The following NELL1 variants were observed in gnomAD, a reference collection of about 807,000 sequenced individuals.
The protein encoded by NELL1 is protein kinase C-binding protein NELL1.
A neutral mutation model predicts 107.4 loss-of-function variants in NELL1; 76 were observed. The observed-to-expected ratio is 0.71, with a 90% CI of 0.59 to 0.86. The LOEUF is 0.86. NELL1 is among the 40% of genes least tolerant of loss of function. The probability of loss-of-function intolerance (pLI) is 0.00; values close to 1 mark genes in which losing one functional copy is unlikely to be tolerated. For synonymous variants in NELL1, 353 were observed against 341.2 expected, an observed-to-expected ratio of 1.03 and a Z score of -0.38; for missense variants, 1,024 against 1,005.5, an observed-to-expected ratio of 1.02 and a Z score of -0.25.
At position 20,834,297 on chromosome 11, in the gene NELL1, T is replaced by C. The variant is rs771259411; in HGVS notation, c.336-13286T>C. On this transcript the variant is annotated intron_variant, in intron 3 of 19. Transcript: ENST00000357134. ...AGAGAAAGGTGTCAAAGACAATGCT[T>C]AGGTTTTTAGCTTCTGTTCTGATAT... Among the ~76,000 whole-genome samples, 7 of 152,214 alleles carry C rather than the reference T, an allele frequency of 4.6e-5. No individual in the cohort carries two copies. The South Asian group carries it at 8.3e-4, about 18-fold the overall frequency.
chr11:20,738,171 G>A (rs1363452400), intron 2 of NELL1, among the ~76,000 whole-genome samples: 1 of 152,126 alleles, frequency 6.6e-6, no homozygotes, highest in Non-Finnish European at 1.5e-5. Flanking sequence ...GTGCACAGCT[G>A]TGCACGTGTG....
chr11:21,090,058 C>G (rs1327788288), intron 12 of NELL1, among the ~76,000 whole-genome samples: 1 of 152,152 alleles, frequency 6.6e-6, no homozygotes, highest in Non-Finnish European at 1.5e-5. Context: ...TATTTGTGAG[C>G]TATCTTCATC....
At chr11:21,105,407 A>G (rs1353561814) in intron 12 of NELL1, among the ~76,000 whole-genome samples, 3 of 152,108 alleles carry the variant, frequency 2.0e-5, no homozygotes, top group Non-Finnish European at 4.4e-5. Context: ...TTTACGTCAC[A>G]CTCAAGGAAG....
intron 16 of NELL1, among the ~76,000 whole-genome samples, chr11:21,542,154 A>T (rs544410282): frequency 6.6e-6 from 1 of 152,102 alleles, no homozygotes; most frequent in African/African-American, 2.4e-5. Flanking sequence ...TAATTTCACA[A>T]TGACCATAGG....
chr11:20,810,771 T>C (rs1807030506), intron 3 of NELL1, among the ~76,000 whole-genome samples: 1 of 152,148 alleles, frequency 6.6e-6, no homozygotes, highest in Non-Finnish European at 1.5e-5. Flanking sequence ...GTTCTACTTT[T>C]AGTTCTTTAA....
chr11:21,462,211 A>G (rs1310196469), intron 15 of NELL1, among the ~76,000 whole-genome samples: 1 of 152,098 alleles, frequency 6.6e-6, no homozygotes, highest in Non-Finnish European at 1.5e-5. Flanking sequence ...AATAAAGAAG[A>G]GCATACTAGG....
intron 15 of NELL1, among the ~76,000 whole-genome samples, chr11:21,468,601 G>A (rs1470471933): frequency 6.6e-6 from 1 of 151,960 alleles, no homozygotes; most frequent in Non-Finnish European, 1.5e-5. Context: ...TCAATAACAA[G>A]TTATTATCTG....
intron 14 of NELL1, among the ~76,000 whole-genome samples, chr11:21,346,588 A>T (rs1013109810): frequency 4.1e-5 from 6 of 148,084 alleles, no homozygotes; most frequent in Admixed American, 1.4e-4. Flanking sequence ...TGATAAATAT[A>T]ATATATAATG....
intron 2 of NELL1, among the ~76,000 whole-genome samples, chr11:20,755,532 GGGTTTTT>G (rs1856240984): frequency 1.0e-4 from 8 of 78,082 alleles, no homozygotes; most frequent in African/African-American, 3.0e-4. Flanking sequence ...AGACCTGTGT[GGGTTTTT>G]GTTTTTTTTT....
At chr11:21,393,458 G>A (rs1851922020) in intron 15 of NELL1, among the ~76,000 whole-genome samples, 1 of 151,600 alleles carries the variant, frequency 6.6e-6, no homozygotes, top group African/African-American at 2.4e-5. Flanking sequence ...AAACAGTAAA[G>A]CTAAAAAAAA....
At chr11:21,316,131 C>T (rs1849876311) in intron 14 of NELL1, among the ~76,000 whole-genome samples, 1 of 152,202 alleles carries the variant, frequency 6.6e-6, no homozygotes, top group South Asian at 2.1e-4. Context: ...CCAGCTTTCT[C>T]TCCCCTTTGT....
chr11:20,867,137 C>T (rs1849110478), intron 4 of NELL1, among the ~76,000 whole-genome samples: 1 of 152,074 alleles, frequency 6.6e-6, no homozygotes, highest in Admixed American at 6.5e-5. Context: ...CACAGATCAA[C>T]TGTTATAGGA....
chr11:20,947,375 T>G lies in NELL1; in HGVS notation c.1111T>G (p.Leu371Val), dbSNP rs1564980708. The change falls in exon 11 of 20, where the codon TTG becomes GTG. Residue 371 changes from leucine to valine, a missense_variant. Leu to Val is a conservative substitution (Grantham distance 32, BLOSUM62 1). Coordinates refer to ENST00000357134, the MANE Select transcript of NELL1 (RefSeq NM_006157.5). Reference sequence around the variant, plus strand: ...AAAAATTACAGAAATGTGTCCTCCTTTGAACTGCTCAGAAAAGGATCACAT... The same window carrying G: ...AAAAATTACAGAAATGTGTCCTCCTGTGAACTGCTCAGAAAAGGATCACAT... ...LVKITEMCPP[L>V]NCSEKDHILP... The G allele has an allele frequency of 6.2e-7, 1 of 1,614,058 alleles. No individual in the cohort carries two copies. Among genetic ancestry groups the G allele is most frequent in the Non-Finnish European group, 8.5e-7 (1 of 1,179,960 alleles).
At chr11:20,724,308 G>A (rs1026032306) in intron 2 of NELL1, among the ~76,000 whole-genome samples, 1 of 152,204 alleles carries the variant, frequency 6.6e-6, no homozygotes, top group Non-Finnish European at 1.5e-5. Flanking sequence ...CACATGGTCA[G>A]GCTGCAAATT....
At chr11:21,179,930 A>G (rs1304046139) in intron 13 of NELL1, among the ~76,000 whole-genome samples, 1 of 120,012 alleles carries the variant, frequency 8.3e-6, no homozygotes, top group Non-Finnish European at 1.6e-5. Flanking sequence ...CATAGGTCAT[A>G]CTGTCTGGGT....
intron 4 of NELL1, among the ~76,000 whole-genome samples, chr11:20,875,166 G>GTTTAT (rs780269272): frequency 3.5e-4 from 53 of 152,096 alleles, no homozygotes; most frequent in Admixed American, 1.0e-3. Flanking sequence ...CCAAAAAGGT[G>GTTTAT]TTTATTTTAT....
intron 15 of NELL1, among the ~76,000 whole-genome samples, chr11:21,393,140 T>C (rs1851915314): frequency 6.6e-6 from 1 of 151,626 alleles, no homozygotes; most frequent in Non-Finnish European, 1.5e-5. Flanking sequence ...AAGGGAAATA[T>C]AGTGCATAAT....
At chr11:21,374,885 G>A (rs2133758828) in intron 15 of NELL1, among the ~76,000 whole-genome samples, 1 of 88,634 alleles carries the variant, frequency 1.1e-5, no homozygotes, top group East Asian at 4.4e-4. Context: ...GACTGTGTGT[G>A]TCTGTGTGTG....
chr11:21,307,450 C>T (rs1849630833), intron 14 of NELL1, among the ~76,000 whole-genome samples: 1 of 151,830 alleles, frequency 6.6e-6, no homozygotes, highest in Non-Finnish European at 1.5e-5. Context: ...CACTTATTCC[C>T]AAACACACAC....
Sources: gnomAD v4.1 joint callset for allele counts (sites outside exome capture counted in the v4.1 genomes callset) on GRCh38, gnomAD v4.1.1 for gene constraint, MANE v1.5 for transcripts, NCBI Gene and HGNC (gene_info 2026-07-23, HGNC 2026-07-21) for gene names.